Variants in WWC2 observed in about 807,000 individuals in gnomAD.
The protein encoded by WWC2 is WW and C2 domain containing 2.
In WWC2, 101 loss-of-function variants were observed where a neutral mutation model predicts 138.5. That is an observed-to-expected ratio of 0.73 (90% CI 0.62 to 0.86). WWC2 has a LOEUF of 0.86. WWC2 is among the 40% of genes least tolerant of loss of function. WWC2 has a pLI of 0.00. For missense variants in WWC2, 1,420 were observed against 1,419.4 expected, an observed-to-expected ratio of 1.00 and a Z score of -0.01; for synonymous variants, 558 against 538.4, an observed-to-expected ratio of 1.04 and a Z score of -0.50.
In WWC2 at chr4:183,104,579, TCCAGCA is replaced by T. The variant is rs757690963; in HGVS notation, c.131+4958_131+4963del. Reference sequence around the variant, plus strand: ...TCATAGACTGCTGGAATTGTTCCTCTCCAGCAGGCCCTGAGTCTGGGTGCCAAGTGG... The same window carrying T: ...TCATAGACTGCTGGAATTGTTCCTCTGGCCCTGAGTCTGGGTGCCAAGTGG... On this transcript the variant is annotated intron_variant, in intron 1 of 22. Transcript: ENST00000403733. Among the ~76,000 whole-genome samples, 191 of 152,322 alleles carry T rather than the reference TCCAGCA, an allele frequency of 1.3e-3. 1 individual carries two copies. Among genetic ancestry groups the T allele is most frequent in the Non-Finnish European group, 2.3e-3 (154 of 68,034 alleles).
At chr4:183,257,511 T>C (rs1301290250) in intron 9 of WWC2, among the ~76,000 whole-genome samples, 1 of 152,084 alleles carries the variant, frequency 6.6e-6, no homozygotes, top group Non-Finnish European at 1.5e-5. Flanking sequence ...AAGGGCCAAG[T>C]AGAGGAAACC....
At chr4:183,244,936 T>G (rs1013235473) in intron 5 of WWC2, among the ~76,000 whole-genome samples, 3 of 152,126 alleles carry the variant, frequency 2.0e-5, no homozygotes, top group Admixed American at 6.5e-5. Flanking sequence ...AGAAATGGAC[T>G]GGGTTTGAAG....
At chr4:183,109,468 G>C (rs1047689137) in intron 1 of WWC2, among the ~76,000 whole-genome samples, 2 of 152,182 alleles carry the variant, frequency 1.3e-5, no homozygotes, top group African/African-American at 4.8e-5. Context: ...TCCACAGAAT[G>C]GGATTGGAGG....
chr4:183,310,227 A>G (rs1045211825), intron 21 of WWC2, among the ~76,000 whole-genome samples: 23 of 152,362 alleles, frequency 1.5e-4, no homozygotes, highest in South Asian at 2.1e-4. Flanking sequence ...AAGTGTCAAT[A>G]TAAGTTCACT....
intron 21 of WWC2, among the ~76,000 whole-genome samples, chr4:183,310,207 G>A (rs1051155412): frequency 6.6e-6 from 1 of 152,102 alleles, no homozygotes; most frequent in African/African-American, 2.4e-5. Context: ...GTGGATTTGG[G>A]GTGATAATGA....
intron 15 of WWC2, 67 bp from the exon 16 acceptor site, chr4:183,271,013 A>G: frequency 7.4e-7 from 1 of 1,349,572 alleles, no homozygotes; most frequent in South Asian, 1.9e-5. Flanking sequence ...ATCAGAACAA[A>G]TACTAATTTA....
At chr4:183,258,513 G>A (rs1010252657) in intron 9 of WWC2, among the ~76,000 whole-genome samples, 4 of 152,128 alleles carry the variant, frequency 2.6e-5, no homozygotes, top group Non-Finnish European at 5.9e-5. Flanking sequence ...AGAAATTAAG[G>A]AAATTTTATT....
intron 14 of WWC2, among the ~76,000 whole-genome samples, chr4:183,267,699 T>C (rs1286974593): frequency 6.6e-6 from 1 of 152,214 alleles, no homozygotes; most frequent in African/African-American, 2.4e-5. Flanking sequence ...ACCTGCGTAG[T>C]GTAGGACCAG....
chr4:183,100,211 G>A (rs765231764), intron 1 of WWC2, among the ~76,000 whole-genome samples: 4 of 152,250 alleles, frequency 2.6e-5, no homozygotes, highest in Non-Finnish European at 5.9e-5. Flanking sequence ...GCGTTTGGGG[G>A]TTTCGCTGTC....
intron 1 of WWC2, among the ~76,000 whole-genome samples, chr4:183,123,857 T>G (rs895109586): frequency 2.6e-5 from 4 of 151,874 alleles, no homozygotes; most frequent in African/African-American, 9.7e-5. Flanking sequence ...ATTTGTTAAT[T>G]TTTTTTTAGG....
intron 16 of WWC2, among the ~76,000 whole-genome samples, chr4:183,271,741 G>A (rs1580134023): frequency 1.3e-5 from 2 of 152,070 alleles, no homozygotes; most frequent in Admixed American, 6.6e-5. Context: ...TGGTGGCTCA[G>A]GCCTGTAATC....
At chr4:183,111,807 A>G (rs766811151) in intron 1 of WWC2, among the ~76,000 whole-genome samples, 2 of 149,936 alleles carry the variant, frequency 1.3e-5, no homozygotes, top group Admixed American at 6.7e-5. Context: ...TGATCCTCCC[A>G]CCTCAGCCTC....
chr4:183,234,543 C>T (rs1234824855), intron 4 of WWC2, among the ~76,000 whole-genome samples: 1 of 151,636 alleles, frequency 6.6e-6, no homozygotes, highest in Non-Finnish European at 1.5e-5. Flanking sequence ...TTTCTTTTTA[C>T]ATGTATTATC....
chr4:183,283,739 T>C (rs1477327465), intron 18 of WWC2, among the ~76,000 whole-genome samples: 3 of 152,258 alleles, frequency 2.0e-5, no homozygotes, highest in African/African-American at 7.2e-5. Flanking sequence ...TTTATACATG[T>C]ATAATTGCAT....
chr4:183,315,798 G>T lies in WWC2; in HGVS notation c.*69G>T, dbSNP rs73006745. 137,808 of 1,344,830 alleles carry T rather than the reference G, an allele frequency of 0.1. 7,612 individuals carry two copies. The highest frequency in any genetic ancestry group is 0.16 in the South Asian group (11,160 of 71,906). The allele number at this position is 1,344,830 out of a possible 1,614,324, so 83.3% of individuals were successfully genotyped here. Reference sequence around the variant, plus strand: ...AGGGAGGGTAAAAGACTGAAGATTTGTGTTTTTGTTTTGGTGTTTGGTTTT... The same window carrying T: ...AGGGAGGGTAAAAGACTGAAGATTTTTGTTTTTGTTTTGGTGTTTGGTTTT... On this transcript the variant is annotated 3_prime_UTR_variant, in exon 23 of 23. Coordinates refer to ENST00000403733, the MANE Select transcript of WWC2 (RefSeq NM_024949.6).
At chr4:183,280,961 G>A (rs1231150063) in intron 17 of WWC2, 64 bp downstream of exon 17, 1 of 1,499,454 alleles carries the variant, frequency 6.7e-7, no homozygotes, top group Non-Finnish European at 8.9e-7. Context: ...GGCTTACAGT[G>A]AAACCTTTGT....
At chr4:183,150,705 G>T (rs367793221) in intron 1 of WWC2, among the ~76,000 whole-genome samples, 1 of 151,894 alleles carries the variant, frequency 6.6e-6, no homozygotes, top group Admixed American at 6.6e-5. Flanking sequence ...ACAGGCCCCA[G>T]TGTGTGATGT....
chr4:183,237,349 G>A (rs1474631730), intron 4 of WWC2, among the ~76,000 whole-genome samples: 2 of 150,816 alleles, frequency 1.3e-5, no homozygotes, highest in African/African-American at 4.9e-5. Context: ...TTGGCAAAAA[G>A]CACTTGAAAA....
Position 183,289,165 on chromosome 4 carries a change from G to A in WWC2, c.3142-228G>A, listed in dbSNP as rs561355088. Among the ~76,000 whole-genome samples, 4 of 152,274 alleles carry A rather than the reference G, an allele frequency of 2.6e-5. 1 individual carries two copies. Among genetic ancestry groups the A allele is most frequent in the African/African-American group, 9.6e-5 (4 of 41,556 alleles). ...GGTTCTTTGCTCTCCCTCCAGCAGG[G>A]GACAGAAATGTGCACCTCTCACACT... is the stretch of plus-strand genomic sequence containing the variant. On this transcript the variant is annotated intron_variant, in intron 20 of 22. Transcript: ENST00000403733.
Sources: gnomAD v4.1 joint callset for allele counts (sites outside exome capture counted in the v4.1 genomes callset) on GRCh38, gnomAD v4.1.1 for gene constraint, MANE v1.5 for transcripts, NCBI Gene and HGNC (gene_info 2026-07-23, HGNC 2026-07-21) for gene names.